The following CHRNB2 variants were observed in gnomAD, a reference collection of about 807,000 sequenced individuals.
CHRNB2 encodes the protein cholinergic receptor nicotinic beta 2 subunit, also known as neuronal acetylcholine receptor subunit beta-2.
In CHRNB2, 33 loss-of-function variants were observed where a neutral mutation model predicts 42.7. The ratio of observed to expected loss-of-function variants is 0.77; its 90% CI spans 0.59 to 1.03. The LOEUF (loss-of-function observed/expected upper bound fraction) is 1.03. CHRNB2 is among the 50% of genes least tolerant of loss of function. CHRNB2 has a pLI of 0.00. For missense variants in CHRNB2, 603 were observed against 700.9 expected, an observed-to-expected ratio of 0.86 and a Z score of 1.58; for synonymous variants, 325 against 292.9, an observed-to-expected ratio of 1.11 and a Z score of -1.12.
At position 154,579,735 on chromosome 1, in the gene CHRNB2, T is replaced by G. The variant is rs1696355245; in HGVS notation, c.*3803T>G. 6.6e-6 allele frequency: 1 copy of G among 152,478 alleles called. No homozygotes were observed. Among genetic ancestry groups the G allele is most frequent in the Non-Finnish European group, 1.5e-5 (1 of 68,266 alleles). 9.4% of individuals were successfully genotyped at this position (152,478 alleles called of 1,614,324 possible). ...GTCTAGGAATCATTAGGACACTCAC[T>G]CAGCCACCCTCGATGCCCCCATCTT... On this transcript the variant is annotated 3_prime_UTR_variant, in exon 6 of 6. Transcript: ENST00000368476.
Position 154,578,546 on chromosome 1 carries a change from C to A in CHRNB2, c.*2614C>A. On this transcript the variant is annotated 3_prime_UTR_variant, in exon 6 of 6. Transcript: ENST00000368476. ...GTTACCTGGGCAGTGTCATTCCCTC[C>A]ATCTCTGTACGCAGCCCTTTGGGAA... 6.6e-6 allele frequency: 1 copy of A among 152,404 alleles called. No individual in the cohort carries two copies. 9.4% of individuals were successfully genotyped at this position (152,404 alleles called of 1,614,324 possible). A position where few individuals can be genotyped will look rare whatever the true frequency, so the allele number is the denominator to read the frequency against.
At chr1:154,572,357 C>A (rs1696192608) in intron 5 of CHRNB2, among the ~76,000 whole-genome samples, 196 bp downstream of exon 5, 1 of 152,112 alleles carries the variant, frequency 6.6e-6, no homozygotes, top group African/African-American at 2.4e-5. Context: ...ATTGTGCGGC[C>A]TAAATTGGAG....
intron 5 of CHRNB2, among the ~76,000 whole-genome samples, chr1:154,572,553 A>G (rs1696197593): frequency 6.6e-6 from 1 of 151,984 alleles, no homozygotes; most frequent in Non-Finnish European, 1.5e-5. Context: ...CCCACATCCA[A>G]GTTGTTAACC....
intron 3 of CHRNB2, 81 bp downstream of exon 3, chr1:154,569,917 A>G (rs1229179559): frequency 6.5e-7 from 1 of 1,531,888 alleles, no homozygotes; most frequent in African/African-American, 1.4e-5. Context: ...TTCTTTCTTA[A>G]TCTCTCAAAA....
At chr1:154,572,809 T>C (rs1696203563) in intron 5 of CHRNB2, among the ~76,000 whole-genome samples, 1 of 152,156 alleles carries the variant, frequency 6.6e-6, no homozygotes, top group Non-Finnish European at 1.5e-5. Context: ...GGAAGGCTCC[T>C]TGGCCCCTTC....
chr1:154,572,455 C>A (rs1435456909), intron 5 of CHRNB2, among the ~76,000 whole-genome samples: 1 of 152,142 alleles, frequency 6.6e-6, no homozygotes, highest in Non-Finnish European at 1.5e-5. Flanking sequence ...GGCAGGGAGG[C>A]CTGAAACACG....
Position 154,571,030 on chromosome 1 carries a change from A to G in CHRNB2, c.366-159A>G, listed in dbSNP as rs79823873. Among the ~76,000 whole-genome samples the G allele has an allele frequency of 0.048, 7,074 of 147,056 alleles. 561 individuals carry two copies. The highest frequency in any genetic ancestry group is 0.17 in the African/African-American group (6,753 of 39,558). On this transcript the variant is annotated intron_variant, in intron 4 of 5. Coordinates refer to ENST00000368476, the MANE Select transcript of CHRNB2 (RefSeq NM_000748.3). The surrounding 1 kb of genome is among the most constrained non-coding windows in gnomAD (Gnocchi z 6.8). ...CCCTCCCCATATCCCCTTCTTGCTC[A>G]ATTCCACCTCTCTATACTCCTGGAT...
chr1:154,571,081 C>T lies in CHRNB2; in HGVS notation c.366-108C>T, dbSNP rs1003490551. ...GGTTACTCTCAGATCTGGGTGTCCCCTCCCCATGTCTCCCTCTGGTTTTGC... is the reference window on the plus strand; with the variant it reads ...GGTTACTCTCAGATCTGGGTGTCCCTTCCCCATGTCTCCCTCTGGTTTTGC... On this transcript the variant is annotated intron_variant, in intron 4 of 5. Coordinates refer to ENST00000368476, the MANE Select transcript of CHRNB2 (RefSeq NM_000748.3). The surrounding 1 kb of genome is among the most constrained non-coding windows in gnomAD (Gnocchi z 6.8). 6 of 1,605,128 alleles carry T rather than the reference C, an allele frequency of 3.7e-6. No individual in the cohort carries two copies. Among genetic ancestry groups the T allele is most frequent in the East Asian group, 4.5e-5 (2 of 44,850 alleles).
intron 4 of CHRNB2, 50 bp downstream of exon 4, chr1:154,570,417 G>T: frequency 8.9e-7 from 1 of 1,126,546 alleles, no homozygotes; most frequent in Admixed American, 1.8e-5. Context: ...CTCAGGGAGG[G>T]AAGGGGTTCT....
rs200382306 is a variant in CHRNB2, at chr1:154,569,817, C to A, written c.236C>A (p.Thr79Asn). The A allele has an allele frequency of 5.6e-6, 9 of 1,614,152 alleles. No homozygotes were observed. Among genetic ancestry groups the A allele is most frequent in the Non-Finnish European group, 7.6e-6 (9 of 1,180,022 alleles). ...CATGAGCGGGAGCAGATCATGACCA[C>A]CAATGTCTGGCTGACCCAGGTAAGC... ...SVHEREQIMT[T>N]NVWLTQEWED... The change falls in exon 3 of 6, where the codon ACC (threonine) becomes AAC (asparagine). Residue 79 changes from threonine to asparagine, a missense_variant. Transcript: ENST00000368476.
rs1225745274 is a variant in CHRNB2 at position 154,572,054 on chromosome 1, G to C, written c.1231G>C (p.Ala411Pro). 3 of 1,534,168 alleles carry C rather than the reference G, an allele frequency of 2.0e-6. No individual in the cohort carries two copies. The highest frequency in any genetic ancestry group is 2.6e-6 in the Non-Finnish European group (3 of 1,145,380). Residue 411 changes from alanine to proline, a missense_variant, in exon 5 of 6, where the codon GCG (alanine) becomes CCG (proline). Around this residue, in one of 2 missense-constraint regions of CHRNB2, gnomAD observed 270 missense variants for 248.3 expected, o/e 1.09. Transcript: ENST00000368476. ...GAFGAEPAPV[A>P]GPGRSGEPCG... ...CTTCGGGGCTGAGCCTGCACCAGTG[G>C]CGGGCCCCGGGCGCTCAGGGGAGCC...
Position 154,571,278 on chromosome 1 carries a change from A to G in CHRNB2, c.455A>G (p.Lys152Arg), listed in dbSNP as rs1339737403. ...TTCTGGCTGCCGCCTGCCATCTACAAGAGCGCATGCAAGATTGAAGTAAAG... is the reference window on the plus strand; with the variant it reads ...TTCTGGCTGCCGCCTGCCATCTACAGGAGCGCATGCAAGATTGAAGTAAAG... ...SIFWLPPAIY[K>R]SACKIEVKHF... Residue 152 changes from lysine to arginine, a missense_variant, in exon 5 of 6, where the codon AAG becomes AGG. Coordinates refer to ENST00000368476, the MANE Select transcript of CHRNB2 (RefSeq NM_000748.3). This position sits in a 1 kb window ranked among gnomAD's most constrained non-coding sequence, Gnocchi z 6.8. 1.9e-6 allele frequency: 3 copies of G among 1,614,204 alleles called. No homozygotes were observed. In the South Asian group the frequency reaches 3.3e-5, roughly 18 times the overall value.
In CHRNB2 at chr1:154,569,474, C is replaced by T. The variant is rs71651692; in HGVS notation, c.77C>T (p.Thr26Met). 8.1e-4 allele frequency: 1,312 copies of T among 1,613,812 alleles called. 2 individuals carry two copies. Among genetic ancestry groups the T allele is most frequent in the Non-Finnish European group, 9.9e-4 (1,163 of 1,179,932 alleles). The change falls in exon 2 of 6, where the codon ACG (threonine) becomes ATG (methionine). Residue 26 changes from threonine (T) to methionine (M), a missense_variant. Coordinates refer to ENST00000368476, the MANE Select transcript of CHRNB2 (RefSeq NM_000748.3). ...TTCCCCTGCCCAGGGGTGTGGGGTACGGATACAGAGGAGCGGCTGGTGGAG... is the reference window on the plus strand; with the variant it reads ...TTCCCCTGCCCAGGGGTGTGGGGTATGGATACAGAGGAGCGGCTGGTGGAG... Reference protein sequence around the residue: ...LLRLCSGVWGTDTEERLVEHL... With the variant: ...LLRLCSGVWGMDTEERLVEHL...
rs1371556786 is a variant in CHRNB2, at chr1:154,577,269, G to T, written c.*1337G>T. On this transcript the variant is annotated 3_prime_UTR_variant, in exon 6 of 6. Transcript: ENST00000368476. ...CCAGCAGATGGTGGGTTACAGACGGGTCAGCCTGCCAAGTGCACCTGAGGG... is the reference window on the plus strand; with the variant it reads ...CCAGCAGATGGTGGGTTACAGACGGTTCAGCCTGCCAAGTGCACCTGAGGG... 1 of 152,264 alleles carries T rather than the reference G, an allele frequency of 6.6e-6. No individual in the cohort carries two copies. Among genetic ancestry groups the T allele is most frequent in the Non-Finnish European group, 1.5e-5 (1 of 68,088 alleles). The allele number at this position is 152,264 out of a possible 1,614,324, so 9.4% of individuals were successfully genotyped here.
At position 154,567,818 on chromosome 1, in the gene CHRNB2, G is replaced by C. The variant is rs200772055; in HGVS notation, c.-227G>C. The C allele has an allele frequency of 2.2e-6, 1 of 447,428 alleles. No homozygotes were observed. The allele number at this position is 447,428 out of a possible 1,614,324, so 27.7% of individuals were successfully genotyped here. On this transcript the variant is annotated 5_prime_UTR_variant, in exon 1 of 6. Coordinates refer to ENST00000368476, the MANE Select transcript of CHRNB2 (RefSeq NM_000748.3). ...ACCGTCCCAATTGTATTCCCTGGAA[G>C]AGCAGCCGGAAAAGCCTCCGCCTGC...
chr1:154,569,398 A>G (rs1477302219), intron 1 of CHRNB2, 64 bp from the exon 2 acceptor site: 3 of 1,543,540 alleles, frequency 1.9e-6, no homozygotes, highest in Middle Eastern at 2.3e-4. Flanking sequence ...TTGCCTGGGG[A>G]GGGTGGGATG....
chr1:154,574,178 C>T (rs1696227677), intron 5 of CHRNB2, among the ~76,000 whole-genome samples: 1 of 152,206 alleles, frequency 6.6e-6, no homozygotes, highest in Admixed American at 6.5e-5. Context: ...TTTCACTCTA[C>T]TATTTGAGAG....
chr1:154,576,187 G>A lies in CHRNB2; in HGVS notation c.*255G>A, dbSNP rs1052997239. The A allele has an allele frequency of 5.5e-6, 3 of 540,866 alleles. No individual in the cohort carries two copies. The highest frequency in any genetic ancestry group is 1.0e-5 in the Non-Finnish European group (3 of 297,618). 33.5% of individuals were successfully genotyped at this position (540,866 alleles called of 1,614,324 possible). ...AGCCCAGGCAATAGTGTTGAGGAGG[G>A]GAGCAAGGCTGCTAAGTGGAAGACA... is the stretch of plus-strand genomic sequence containing the variant. On this transcript the variant is annotated 3_prime_UTR_variant, in exon 6 of 6. Coordinates refer to ENST00000368476, the MANE Select transcript of CHRNB2 (RefSeq NM_000748.3).
chr1:154,569,140 C>G (rs530521710), intron 1 of CHRNB2, among the ~76,000 whole-genome samples: 1 of 152,084 alleles, frequency 6.6e-6, no homozygotes, highest in East Asian at 2.0e-4. Flanking sequence ...CTGGGGAAGC[C>G]ATGGAAGCAG....
Sources: gnomAD v4.1 joint callset for allele counts (sites outside exome capture counted in the v4.1 genomes callset) on GRCh38, gnomAD v4.1.1 for gene constraint, gnomAD v4.1.1 regional missense constraint, Gnocchi (gnomAD v3.1) non-coding constraint, MANE v1.5 for transcripts, NCBI Gene and HGNC (gene_info 2026-07-23, HGNC 2026-07-21) for gene names.